Variants in CHRNB4 observed in about 807,000 individuals in gnomAD.
CHRNB4 encodes the protein cholinergic receptor nicotinic beta 4 subunit, also known as neuronal acetylcholine receptor subunit beta-4.
In CHRNB4, 23 loss-of-function variants were observed where a neutral mutation model predicts 40.4. The ratio of observed to expected loss-of-function variants is 0.57; its 90% CI spans 0.41 to 0.81. The LOEUF is 0.81. CHRNB4 is among the 30% of genes least tolerant of loss of function. The pLI is 0.00. For missense variants in CHRNB4, 568 were observed against 670.6 expected (o/e 0.85, Z 1.69); for synonymous variants, 285 against 274.4 (o/e 1.04, Z -0.38).
At chr15:78,647,720 C>CGTG (rs1367810229) in intron 7 of CHRNB4, among the ~76,000 whole-genome samples, 7 of 148,720 alleles carry the variant, frequency 4.7e-5, no homozygotes, top group Non-Finnish European at 1.0e-4. Flanking sequence ...ATTAGCCGGG[C>CGTG]GTGGTGGCAG....
At chr15:78,658,776 A>T (rs1336631494) in intron 1 of CHRNB4, among the ~76,000 whole-genome samples, 1 of 152,184 alleles carries the variant, frequency 6.6e-6, no homozygotes, top group East Asian at 1.9e-4. Context: ...CCTGACCTGA[A>T]CCAATTCTTG....
upstream of CHRNB4, among the ~76,000 whole-genome samples, chr15:78,641,594 C>A (rs2054076550): frequency 6.6e-6 from 1 of 152,226 alleles, no homozygotes; most frequent in South Asian, 2.1e-4. Flanking sequence ...CAGGTTCATT[C>A]GCATGGGGTT....
In CHRNB4 at chr15:78,641,199, G is replaced by A. The variant is rs561491042; in HGVS notation, c.-66C>T. ...TGGGGTCACAGGGCACCCGTGAGCCGCGCGGTCGAGTGAGCGCCGGTCCTG... is the reference window on the plus strand; with the variant it reads ...TGGGGTCACAGGGCACCCGTGAGCCACGCGGTCGAGTGAGCGCCGGTCCTG... On this transcript the variant is annotated 5_prime_UTR_variant, in exon 1 of 6. Transcript: ENST00000261751. 1.2e-4 allele frequency: 166 copies of A among 1,392,540 alleles called. No homozygotes were observed. In the African/African-American group the frequency reaches 2.2e-3, roughly 18 times the overall value. The allele number at this position is 1,392,540 out of a possible 1,614,324, so 86.3% of individuals were successfully genotyped here. A position where few individuals can be genotyped will look rare whatever the true frequency, so the allele number is the denominator to read the frequency against.
intron 6 of CHRNB4, among the ~76,000 whole-genome samples, chr15:78,650,930 C>T (rs563976505): frequency 7.9e-5 from 12 of 152,130 alleles, no homozygotes; most frequent in African/African-American, 2.4e-4. Flanking sequence ...CAAGTGTAGT[C>T]GGGCTTTGTG....
At chr15:78,652,993 C>T (rs2054185619) in intron 5 of CHRNB4, among the ~76,000 whole-genome samples, 1 of 152,140 alleles carries the variant, frequency 6.6e-6, no homozygotes, top group African/African-American at 2.4e-5. Flanking sequence ...ATTTTTGAGG[C>T]TTGCTTTTTC....
chr15:78,648,413 AAAG>A (rs2054144195), intron 7 of CHRNB4, among the ~76,000 whole-genome samples: 1 of 149,506 alleles, frequency 6.7e-6, no homozygotes, highest in Non-Finnish European at 1.5e-5. Context: ...AAAAAAGGAA[AAAG>A]AAAAGGCATG....
In CHRNB4 at chr15:78,629,775, T is replaced by C. The variant is rs758088215; in HGVS notation, c.530A>G (p.Asp177Gly). The change falls in exon 5 of 6, where the codon GAC becomes GGC. Residue 177 changes from aspartate to glycine, a missense_variant. Around this residue, in one of 4 missense-constraint regions of CHRNB4, gnomAD observed 127 missense variants for 167.4 expected, o/e 0.76. Transcript: ENST00000261751. This position sits in a 1 kb window ranked among gnomAD's most constrained non-coding sequence, Gnocchi z 6.8. ...GAGGACCATGTCTATCTCCGTGTGGTCATAGGTCCAGGAGCGGAACTTGAG... is the reference window on the plus strand; with the variant it reads ...GAGGACCATGTCTATCTCCGTGTGGCCATAGGTCCAGGAGCGGAACTTGAG... ...CTLKFRSWTY[D>G]HTEIDMVLMT... 2 of 1,614,070 alleles carry C rather than the reference T, an allele frequency of 1.2e-6. No individual in the cohort carries two copies. Among genetic ancestry groups the C allele is most frequent in the Non-Finnish European group, 1.7e-6 (2 of 1,180,014 alleles).
rs777861263 is a variant in CHRNB4 at position 78,629,207 on chromosome 15, G to C, written c.1098C>G (p.Cys366Trp). 4 of 1,613,668 alleles carry C rather than the reference G, an allele frequency of 2.5e-6. No homozygotes were observed. The Admixed American group carries it at 6.7e-5, about 27-fold the overall frequency. The change falls in exon 5 of 6, where the codon TGC (cysteine) becomes TGG (tryptophan). Residue 366 changes from cysteine to tryptophan, a missense_variant. Physicochemically the swap from Cys to Trp is radical, Grantham distance 215. Transcript: ENST00000261751. This position sits in a 1 kb window ranked among gnomAD's most constrained non-coding sequence, Gnocchi z 6.8. ...TGGCGGTGGCCTCGGGCTTGGTCAC[G>C]CATGACTTGCTGGGCGGGAAGGCTC... ...PARAFPPSKSCVTKPEATATS... is the reference protein window; with the variant it reads ...PARAFPPSKSWVTKPEATATS...
chr15:78,647,649 A>G (rs1024417036), intron 7 of CHRNB4, among the ~76,000 whole-genome samples: 6 of 148,014 alleles, frequency 4.1e-5, no homozygotes, highest in Admixed American at 6.8e-5. Context: ...GATCGAGACC[A>G]TCCTGGCTAA....
intron 1 of CHRNB4, 60 bp downstream of exon 1, chr15:78,641,019 A>T: frequency 8.0e-7 from 1 of 1,257,774 alleles, no homozygotes; most frequent in Non-Finnish European, 1.1e-6. Flanking sequence ...ACCTGTGGCC[A>T]GTCCAGCCCC....
intron 1 of CHRNB4, among the ~76,000 whole-genome samples, chr15:78,638,450 C>G (rs934192544): frequency 6.6e-6 from 1 of 152,256 alleles, no homozygotes; most frequent in Non-Finnish European, 1.5e-5. Flanking sequence ...AGAGGAGGAA[C>G]CAGGTATAGG....
chr15:78,655,145 GCTTT>G (rs1404965733), intron 5 of CHRNB4, among the ~76,000 whole-genome samples: 1 of 151,934 alleles, frequency 6.6e-6, no homozygotes, highest in East Asian at 1.9e-4. Flanking sequence ...AGGCTGATCT[GCTTT>G]CTGTCTCTAT....
upstream of CHRNB4, chr15:78,661,312 CA>C (rs796454118): frequency 2.2e-4 from 129 of 590,802 alleles, 2 homozygotes; most frequent in South Asian, 1.8e-3. Flanking sequence ...ACAGTGCACA[CA>C]CCTTCAGGTT....
intron 7 of CHRNB4, among the ~76,000 whole-genome samples, chr15:78,648,890 C>T (rs1358567291): frequency 1.3e-5 from 2 of 152,086 alleles, no homozygotes; most frequent in East Asian, 1.9e-4. Context: ...GTGATCCTCC[C>T]ACCTCAGCCT....
At chr15:78,652,361 A>T (rs2054179983) in intron 6 of CHRNB4, among the ~76,000 whole-genome samples, 1 of 152,206 alleles carries the variant, frequency 6.6e-6, no homozygotes, top group African/African-American at 2.4e-5. Context: ...GGCACACAGC[A>T]GCTGAGGCCA....
At chr15:78,641,635 C>T (rs1205975413), upstream of CHRNB4, among the ~76,000 whole-genome samples, 2 of 152,176 alleles carry the variant, frequency 1.3e-5, no homozygotes, top group Non-Finnish European at 2.9e-5. Flanking sequence ...CTGGGTGAGC[C>T]GACGCGAGGG....
intron 7 of CHRNB4, among the ~76,000 whole-genome samples, chr15:78,647,787 G>A (rs1323666393): frequency 6.8e-6 from 1 of 148,012 alleles, no homozygotes; most frequent in African/African-American, 2.5e-5. Context: ...ATGAATCCAG[G>A]AGGCGGAGCT....
At chr15:78,637,071 G>T (rs2053966734) in intron 1 of CHRNB4, among the ~76,000 whole-genome samples, 1 of 152,168 alleles carries the variant, frequency 6.6e-6, no homozygotes, top group Admixed American at 6.5e-5. Flanking sequence ...CCAAATGGAG[G>T]GGTCCAGCTG....
chr15:78,642,557 C>G (rs1049282312), upstream of CHRNB4, among the ~76,000 whole-genome samples: 1 of 152,084 alleles, frequency 6.6e-6, no homozygotes, highest in Non-Finnish European at 1.5e-5. Flanking sequence ...GAGCGGGAGG[C>G]CTGCTGCTGA....
Sources: gnomAD v4.1 joint callset for allele counts (sites outside exome capture counted in the v4.1 genomes callset) on GRCh38, gnomAD v4.1.1 for gene constraint, gnomAD v4.1.1 regional missense constraint, Gnocchi (gnomAD v3.1) non-coding constraint, MANE v1.5 for transcripts, NCBI Gene and HGNC (gene_info 2026-07-23, HGNC 2026-07-21) for gene names.